EDA: variants seen among roughly 807,000 people sequenced by gnomAD.
EDA encodes ectodysplasin-A.
In EDA, 2 loss-of-function variants were observed where a neutral mutation model predicts 23.6. That is an observed-to-expected ratio of 0.08 (90% CI 0.03 to 0.27). EDA has a LOEUF of 0.27. Among genes scored for constraint, EDA ranks in the 10% least tolerant of loss-of-function variants. The probability of loss-of-function intolerance (pLI) is 1.00; values close to 1 mark genes in which losing one functional copy is unlikely to be tolerated. For synonymous variants in EDA, 131 were observed against 132.0 expected, an observed-to-expected ratio of 0.99 and a Z score of 0.05; for missense variants, 229 against 324.2, an observed-to-expected ratio of 0.71 and a Z score of 2.26.
intron 1 of EDA, among the ~76,000 whole-genome samples, chrX:69,852,223 G>A (rs1241824904): frequency 9.0e-6 from 1 of 111,203 alleles, no homozygotes; most frequent in African/African-American, 3.3e-5. Flanking sequence ...TCCGCTTCCT[G>A]GGTTCAAGTG....
At chrX:69,744,077 A>C (rs1008966616) in intron 1 of EDA, among the ~76,000 whole-genome samples, 1 of 111,555 alleles carries the variant, frequency 9.0e-6, no homozygotes, top group Non-Finnish European at 1.9e-5. Flanking sequence ...TGAGCCTTCA[A>C]GCCTTCCCTG....
intron 1 of EDA, among the ~76,000 whole-genome samples, chrX:69,736,167 G>A (rs1230035046): frequency 9.1e-6 from 1 of 109,768 alleles, no homozygotes; most frequent in Non-Finnish European, 1.9e-5. Flanking sequence ...TTAGCTGGGC[G>A]TGGTGGCGCA....
At chrX:69,773,560 C>T (rs941978252) in intron 1 of EDA, among the ~76,000 whole-genome samples, 7 of 111,413 alleles carry the variant, frequency 6.3e-5, no homozygotes, top group Admixed American at 9.6e-5. Context: ...TCTCCATATC[C>T]TTGCCAACAC....
intron 1 of EDA, among the ~76,000 whole-genome samples, chrX:69,838,939 G>T (rs2016839429): frequency 8.9e-6 from 1 of 111,772 alleles, no homozygotes; most frequent in African/African-American, 3.3e-5. Context: ...ATTTTGTGAT[G>T]ATATCCACAC....
intron 1 of EDA, among the ~76,000 whole-genome samples, chrX:69,641,139 T>C (rs929485059): frequency 3.6e-5 from 4 of 111,501 alleles, no homozygotes; most frequent in African/African-American, 9.8e-5. Flanking sequence ...GTTTTTTTTT[T>C]CCTGACACAT....
chrX:69,678,251 A>C (rs1934182629), intron 1 of EDA, among the ~76,000 whole-genome samples: 2 of 109,473 alleles, frequency 1.8e-5, no homozygotes, highest in African/African-American at 6.6e-5. Context: ...GAAGTCAGGT[A>C]GTGTGATGCC....
intron 2 of EDA, among the ~76,000 whole-genome samples, chrX:70,017,147 G>T (rs1204520928): frequency 9.0e-6 from 1 of 111,602 alleles, no homozygotes; most frequent in Admixed American, 9.5e-5. Flanking sequence ...AACCTCCTGA[G>T]ACTGAGCCAG....
At chrX:69,701,816 A>G (rs937548769) in intron 1 of EDA, among the ~76,000 whole-genome samples, 3 of 111,500 alleles carry the variant, frequency 2.7e-5, no homozygotes, top group Admixed American at 9.5e-5. Context: ...GCAAGGAGAC[A>G]CACAATCATG....
Position 70,022,097 on chromosome X carries a change from G to A in EDA, c.503-1121G>A, listed in dbSNP as rs559373236. On this transcript the variant is annotated intron_variant, in intron 2 of 7. Transcript: ENST00000374552. ...CCTGTATTTAAAGAAAGTCAAATCC[G>A]TATACAGAATGAAGAGAATTTATTT... Among the ~76,000 whole-genome samples, 10 of 110,052 alleles carry A rather than the reference G, an allele frequency of 9.1e-5. No homozygotes were observed. The South Asian group carries it at 3.5e-3, about 39-fold the overall frequency.
chrX:69,790,687 A>T (rs2015379353), intron 1 of EDA, among the ~76,000 whole-genome samples: 2 of 111,915 alleles, frequency 1.8e-5, no homozygotes, highest in Admixed American at 1.9e-4. Flanking sequence ...CACATGAAAC[A>T]GTGTCTGACC....
intron 1 of EDA, among the ~76,000 whole-genome samples, chrX:69,898,157 A>G (rs2018046531): frequency 8.9e-6 from 1 of 112,108 alleles, no homozygotes; most frequent in Admixed American, 9.5e-5. Context: ...GGGGTTGGCT[A>G]TAGGACTCGA....
chrX:69,745,017 A>AT (rs2013575469), intron 1 of EDA, among the ~76,000 whole-genome samples: 1 of 111,075 alleles, frequency 9.0e-6, no homozygotes, highest in African/African-American at 3.3e-5. Context: ...ACTTCAGATT[A>AT]TTTTTCAATG....
chrX:69,945,458 A>G (rs1390503150), intron 1 of EDA, among the ~76,000 whole-genome samples: 1 of 112,101 alleles, frequency 8.9e-6, no homozygotes, highest in Non-Finnish European at 1.9e-5. Flanking sequence ...ACAAACCTAC[A>G]TTGTTTATCC....
intron 1 of EDA, among the ~76,000 whole-genome samples, chrX:69,682,667 G>A (rs895948702): frequency 1.8e-5 from 2 of 111,717 alleles, no homozygotes; most frequent in Non-Finnish European, 3.8e-5. Flanking sequence ...GCAATGCCTC[G>A]CCCTGCTTCG....
At chrX:69,744,001 T>G (rs922200274) in intron 1 of EDA, among the ~76,000 whole-genome samples, 4 of 111,719 alleles carry the variant, frequency 3.6e-5, no homozygotes, top group Admixed American at 2.9e-4. Context: ...GCACAAGTGA[T>G]ATGATAACAG....
intron 1 of EDA, among the ~76,000 whole-genome samples, chrX:69,944,232 T>C (rs2018803048): frequency 8.9e-6 from 1 of 112,058 alleles, no homozygotes; most frequent in African/African-American, 3.2e-5. Context: ...TCTCCTTTTG[T>C]CAAGCAAGAG....
chrX:69,964,852 CTCTTCAG>C (rs1245882988), intron 2 of EDA, among the ~76,000 whole-genome samples: 1 of 111,612 alleles, frequency 9.0e-6, no homozygotes, highest in Non-Finnish European at 1.9e-5. Flanking sequence ...CCTGTAGGGC[CTCTTCAG>C]TCTCAAAGAT....
intron 1 of EDA, among the ~76,000 whole-genome samples, chrX:69,764,021 G>A (rs993472297): frequency 9.1e-6 from 1 of 109,688 alleles, no homozygotes; most frequent in Non-Finnish European, 1.9e-5. Flanking sequence ...GAGAAGAGAT[G>A]AGCTAGCCAG....
chrX:69,820,088 T>C (rs80150382), intron 1 of EDA, among the ~76,000 whole-genome samples: 1 of 110,816 alleles, frequency 9.0e-6, no homozygotes, highest in Non-Finnish European at 1.9e-5. Context: ...GAAATAATAC[T>C]GCACACCTAC....
Sources: allele counts gnomAD v4.1 joint callset (sites outside exome capture counted in the v4.1 genomes callset), GRCh38; gene constraint gnomAD v4.1.1; transcripts MANE v1.5; gene names NCBI Gene and HGNC (gene_info 2026-07-23, HGNC 2026-07-21).